The following SH2B3 variants were observed in gnomAD, a reference collection of about 807,000 sequenced individuals.
SH2B3 encodes SH2B adapter protein 3.
SH2B3 carries 43 observed loss-of-function variants against 51.9 expected under a neutral mutation model. The observed-to-expected ratio is 0.83, with a 90% CI of 0.65 to 1.07. SH2B3 has a LOEUF of 1.07. Among genes scored for constraint, SH2B3 ranks in the 50% least tolerant of loss-of-function variants. The pLI is 0.00. For synonymous variants in SH2B3, 396 were observed against 376.0 expected, an observed-to-expected ratio of 1.05 and a Z score of -0.62; for missense variants, 952 against 834.3, an observed-to-expected ratio of 1.14 and a Z score of -1.74.
Position 111,410,503 on chromosome 12 carries a change from C to T in SH2B3, c.-28+4226C>T, listed in dbSNP as rs560497760. Among the ~76,000 whole-genome samples, 5 of 152,104 alleles carry T rather than the reference C, an allele frequency of 3.3e-5. No individual in the cohort carries two copies. Among genetic ancestry groups the T allele is most frequent in the Admixed American group, 6.5e-5 (1 of 15,272 alleles). ...CGGGATTCTGATGGTGCTGCCTCTCCGCAGGGAGATGGTTCTTGGCTTTCC... is the reference window on the plus strand; with the variant it reads ...CGGGATTCTGATGGTGCTGCCTCTCTGCAGGGAGATGGTTCTTGGCTTTCC... On this transcript the variant is annotated intron_variant, in intron 1 of 7. Coordinates refer to ENST00000341259, the MANE Select transcript of SH2B3 (RefSeq NM_005475.3). The surrounding 1 kb of genome is among the most constrained non-coding windows in gnomAD (Gnocchi z 4.9).
Position 111,435,106 on chromosome 12 carries a change from C to A in SH2B3, c.733-11647C>A, listed in dbSNP as rs982817185. 1.7e-6 allele frequency: 2 copies of A among 1,153,780 alleles called. No homozygotes were observed. Among genetic ancestry groups the A allele is most frequent in the East Asian group, 2.6e-5 (1 of 38,690 alleles). 71.5% of individuals were successfully genotyped at this position (1,153,780 alleles called of 1,614,324 possible). A position where few individuals can be genotyped will look rare whatever the true frequency, so the allele number is the denominator to read the frequency against. On this transcript the variant is annotated intron_variant, in intron 2 of 7. Coordinates refer to ENST00000341259, the MANE Select transcript of SH2B3 (RefSeq NM_005475.3). This position sits in a 1 kb window ranked among gnomAD's most constrained non-coding sequence, Gnocchi z 4.8. Reference sequence around the variant, plus strand: ...CCCCTCTCCTCTGGTGCACTCTCCCCACCCGAGACGGGCGACAGAGGTTTT... The same window carrying A: ...CCCCTCTCCTCTGGTGCACTCTCCCAACCCGAGACGGGCGACAGAGGTTTT...
chr12:111,426,873 C>T (rs928180917), intron 2 of SH2B3, among the ~76,000 whole-genome samples: 1 of 152,078 alleles, frequency 6.6e-6, no homozygotes, highest in African/African-American at 2.4e-5. Flanking sequence ...AACCCTGAGA[C>T]AGGAACTCTT....
chr12:111,443,160 T>C (rs1484575731), intron 2 of SH2B3, among the ~76,000 whole-genome samples: 1 of 152,210 alleles, frequency 6.6e-6, no homozygotes. Flanking sequence ...GCCCGTCACA[T>C]TCCCTCCAGG....
Position 111,418,551 on chromosome 12 carries a change from C to T in SH2B3, c.406C>T (p.Gln136Ter). 6.8e-7 allele frequency: 1 copy of T among 1,467,672 alleles called. No homozygotes were observed. Among genetic ancestry groups the T allele is most frequent in the Non-Finnish European group, 9.0e-7 (1 of 1,114,728 alleles). 90.9% of individuals were successfully genotyped at this position (1,467,672 alleles called of 1,614,324 possible). ...PPRPPGPCSFQHFRRSLRHIF... is the reference protein window; with the variant it reads ...PPRPPGPCSF Reference sequence around the variant, plus strand: ...GCGGCCGCCCGGGCCCTGCTCCTTCCAGCACTTTCGCCGCAGCCTCCGCCA... The same window carrying T: ...GCGGCCGCCCGGGCCCTGCTCCTTCTAGCACTTTCGCCGCAGCCTCCGCCA... Residue 136 changes from glutamine (Q) to a stop codon, truncating the protein, a stop_gained, in exon 2 of 8, where the codon CAG becomes TAG. Transcript: ENST00000341259. LOFTEE classifies it high-confidence loss of function. This position sits in a 1 kb window ranked among gnomAD's most constrained non-coding sequence, Gnocchi z 6.7.
chr12:111,409,111 C>T lies in SH2B3; in HGVS notation c.-28+2834C>T, dbSNP rs879796550. On this transcript the variant is annotated intron_variant, in intron 1 of 7. Transcript: ENST00000341259. The surrounding 1 kb of genome is among the most constrained non-coding windows in gnomAD (Gnocchi z 4.0). The stretch of plus-strand genomic sequence containing the variant: ...TTCTCTGATCTGGACCTCGCCTGCC[C>T]GATGGAAGCCAAGAGTTCCAGCCTC... Among the ~76,000 whole-genome samples, 17 of 152,132 alleles carry T rather than the reference C, an allele frequency of 1.1e-4. No individual in the cohort carries two copies. The highest frequency in any genetic ancestry group is 2.1e-4 in the Non-Finnish European group (14 of 68,036).
intron 2 of SH2B3, among the ~76,000 whole-genome samples, chr12:111,432,868 T>C (rs1416011936): frequency 6.6e-6 from 1 of 152,214 alleles, no homozygotes; most frequent in Non-Finnish European, 1.5e-5. Flanking sequence ...AAATACTCCA[T>C]TGTATGGACT....
intron 2 of SH2B3, among the ~76,000 whole-genome samples, chr12:111,431,991 A>G (rs1251087523): frequency 6.6e-6 from 1 of 152,112 alleles, no homozygotes; most frequent in Non-Finnish European, 1.5e-5. Flanking sequence ...TTTTTGCACA[A>G]TTCTGTCTGG....
rs934220718 is a variant in SH2B3, at chr12:111,410,885, G to A, written c.-28+4608G>A. ...TTAGGCCACAGGGTCTGGACTCTAT[G>A]AACAGTTGGTGCTAGGCATGGGGAA... is the stretch of plus-strand genomic sequence containing the variant. On this transcript the variant is annotated intron_variant, in intron 1 of 7. Transcript: ENST00000341259. The surrounding 1 kb of genome is among the most constrained non-coding windows in gnomAD (Gnocchi z 4.9). Among the ~76,000 whole-genome samples the A allele has an allele frequency of 6.6e-6, 1 of 152,216 alleles. No homozygotes were observed. The highest frequency in any genetic ancestry group is 2.4e-5 in the African/African-American group (1 of 41,452).
At position 111,409,169 on chromosome 12, in the gene SH2B3, G is replaced by A. The variant is rs1016057516; in HGVS notation, c.-28+2892G>A. Among the ~76,000 whole-genome samples the A allele has an allele frequency of 6.6e-6, 1 of 152,164 alleles. No individual in the cohort carries two copies. The highest frequency in any genetic ancestry group is 1.5e-5 in the Non-Finnish European group (1 of 68,034). On this transcript the variant is annotated intron_variant, in intron 1 of 7. Transcript: ENST00000341259. This position sits in a 1 kb window ranked among gnomAD's most constrained non-coding sequence, Gnocchi z 4.0. ...TTGGGTGTGTGAAGTACAGTGTCAG[G>A]ACTGGAACTGTGTTGGCTGTACTTG...
In SH2B3 at chr12:111,435,895, G is replaced by A. The variant is rs904011532; in HGVS notation, c.733-10858G>A. Among the ~76,000 whole-genome samples the A allele has an allele frequency of 6.6e-5, 10 of 152,326 alleles. No homozygotes were observed. Among genetic ancestry groups the A allele is most frequent in the South Asian group, 2.1e-4 (1 of 4,828 alleles). On this transcript the variant is annotated intron_variant, in intron 2 of 7. Transcript: ENST00000341259. This position sits in a 1 kb window ranked among gnomAD's most constrained non-coding sequence, Gnocchi z 4.8. ...GGACAGCTGGGAGCAGGATGTGGTC[G>A]TGCGAGGCGTGGGCTGACGGCAGCT...
At position 111,406,561 on chromosome 12, in the gene SH2B3, C is replaced by G. The variant is rs774919314; in HGVS notation, c.-28+284C>G. ...GGCATCGCTGACGCCCCCAGCCCAC[C>G]CTACGGTAGCCTCGCCGGTTGGGGG... On this transcript the variant is annotated intron_variant, in intron 1 of 7. Transcript: ENST00000341259. The surrounding 1 kb of genome is among the most constrained non-coding windows in gnomAD (Gnocchi z 5.7). Among the ~76,000 whole-genome samples the G allele has an allele frequency of 3.9e-5, 6 of 152,180 alleles. No homozygotes were observed. Among genetic ancestry groups the G allele is most frequent in the Non-Finnish European group, 8.8e-5 (6 of 68,020 alleles).
intron 2 of SH2B3, among the ~76,000 whole-genome samples, chr12:111,441,390 G>A (rs1403391746): frequency 6.6e-6 from 1 of 151,774 alleles, no homozygotes; most frequent in Non-Finnish European, 1.5e-5. Context: ...TGGAAACTGA[G>A]GCTAGGAGAG....
In SH2B3 at chr12:111,407,173, C is replaced by T. The variant is rs765121070; in HGVS notation, c.-28+896C>T. Among the ~76,000 whole-genome samples the T allele has an allele frequency of 5.9e-5, 9 of 152,192 alleles. No individual in the cohort carries two copies. The highest frequency in any genetic ancestry group is 1.3e-4 in the Non-Finnish European group (9 of 68,028). The stretch of plus-strand genomic sequence containing the variant: ...GTTTCCTCATTCTCCTGTTTCTCTT[C>T]CCCATTCCCAGCCACAATGATGTAG... On this transcript the variant is annotated intron_variant, in intron 1 of 7. Transcript: ENST00000341259. This position sits in a 1 kb window ranked among gnomAD's most constrained non-coding sequence, Gnocchi z 4.3.
chr12:111,417,986 C>T, intron 1 of SH2B3, 133 bp from the exon 2 acceptor site: 1 of 633,510 alleles, frequency 1.6e-6, no homozygotes, highest in Non-Finnish European at 2.5e-6. Context: ...GTGCATGTTT[C>T]CCTGCATCTT....
At position 111,418,618 on chromosome 12, in the gene SH2B3, A is replaced by G; in HGVS notation, c.473A>G (p.His158Arg). 1.4e-6 allele frequency: 2 copies of G among 1,480,978 alleles called. No homozygotes were observed. The highest frequency in any genetic ancestry group is 1.8e-6 in the Non-Finnish European group (2 of 1,125,064). The allele number at this position is 1,480,978 out of a possible 1,614,324, so 91.7% of individuals were successfully genotyped here. Reference protein sequence around the residue: ...RRSAGELPAAHTAAAPGTPGE... With the variant: ...RRSAGELPAARTAAAPGTPGE... ...TCGGCCGGGGAGCTGCCAGCGGCCC[A>G]CACCGCTGCCGCCCCCGGGACCCCC... Residue 158 changes from histidine to arginine, a missense_variant, in exon 2 of 8, where the codon CAC becomes CGC. Physicochemically the swap from His to Arg is conservative, Grantham distance 29. Transcript: ENST00000341259. The surrounding 1 kb of genome is among the most constrained non-coding windows in gnomAD (Gnocchi z 6.7).
chr12:111,448,303 C>A lies in SH2B3; in HGVS notation c.*1C>A. 1 of 1,589,986 alleles carries A rather than the reference C, an allele frequency of 6.3e-7. No individual in the cohort carries two copies. Among genetic ancestry groups the A allele is most frequent in the Non-Finnish European group, 8.6e-7 (1 of 1,161,236 alleles). ...AGACAATCAGTACACACCTCTCTGA[C>A]CAGTGAGGAATTCCAGGCCTCAACA... On this transcript the variant is annotated 3_prime_UTR_variant, in exon 8 of 8. Transcript: ENST00000341259.
At chr12:111,412,904 C>T (rs1303440650) in intron 1 of SH2B3, among the ~76,000 whole-genome samples, 2 of 152,158 alleles carry the variant, frequency 1.3e-5, no homozygotes, top group Non-Finnish European at 2.9e-5. Context: ...TGCCCTGTGA[C>T]AGTTTTCCTG....
Position 111,409,038 on chromosome 12 carries a change from T to C in SH2B3, c.-28+2761T>C, listed in dbSNP as rs1366757009. On this transcript the variant is annotated intron_variant, in intron 1 of 7. Transcript: ENST00000341259. The surrounding 1 kb of genome is among the most constrained non-coding windows in gnomAD (Gnocchi z 4.0). ...GCAGTATGGACTTTGGGGCCAAATC[T>C]GGGCTCTGCCAGCTTCCAGGTGTGA... 2.6e-5 allele frequency among the ~76,000 whole-genome samples: 4 copies of C among 152,238 alleles called. No homozygotes were observed. The highest frequency in any genetic ancestry group is 5.9e-5 in the Non-Finnish European group (4 of 68,044).
chr12:111,447,312 A>G lies in SH2B3; in HGVS notation c.1022-18A>G, dbSNP rs1400002137. On this transcript the variant is annotated intron_variant, in intron 5 of 7. Coordinates refer to ENST00000341259, the MANE Select transcript of SH2B3 (RefSeq NM_005475.3). ...AAGGTAGCCCCCTGCGACCACCATC[A>G]CCCATCTTATCTAACAGGTGCTTCT... 2 of 1,607,398 alleles carry G rather than the reference A, an allele frequency of 1.2e-6. No homozygotes were observed. The highest frequency in any genetic ancestry group is 2.2e-5 in the East Asian group (1 of 44,826).
Sources: allele counts gnomAD v4.1 joint callset (sites outside exome capture counted in the v4.1 genomes callset), GRCh38; gene constraint gnomAD v4.1.1; non-coding constraint Gnocchi (gnomAD v3.1); transcripts MANE v1.5; gene names NCBI Gene and HGNC (gene_info 2026-07-23, HGNC 2026-07-21).